The following SGCZ variants were observed in gnomAD, a reference collection of about 807,000 sequenced individuals.
SGCZ encodes the protein zeta-sarcoglycan.
In SGCZ, 40 loss-of-function variants were observed where a neutral mutation model predicts 41.3. The ratio of observed to expected loss-of-function variants is 0.97; its 90% CI spans 0.75 to 1.26. The LOEUF is 1.26. Ranked by LOEUF, SGCZ falls within the 50% of genes most tolerant of loss-of-function variation. SGCZ has a pLI of 0.00. For synonymous variants in SGCZ, 206 were observed against 137.5 expected (o/e 1.50, Z -3.49); for missense variants, 552 against 369.8 (o/e 1.49, Z -4.04).
chr8:15,001,383 A>T (rs1038118981), intron 1 of SGCZ, among the ~76,000 whole-genome samples: 7 of 152,126 alleles, frequency 4.6e-5, no homozygotes, highest in African/African-American at 1.7e-4. Flanking sequence ...GTTTACTGGG[A>T]TATTTGTCAC....
intron 2 of SGCZ, among the ~76,000 whole-genome samples, chr8:14,397,292 T>A (rs954060036): frequency 2.6e-5 from 4 of 152,158 alleles, no homozygotes; most frequent in African/African-American, 9.7e-5. Context: ...ATAGTATTTC[T>A]GATGTAAAAA....
intron 1 of SGCZ, among the ~76,000 whole-genome samples, chr8:15,032,977 C>T (rs1803735680): frequency 3.3e-5 from 5 of 151,904 alleles, no homozygotes; most frequent in African/African-American, 1.2e-4. Context: ...CATGCCCCAA[C>T]TCTAAATCAG....
At chr8:14,341,568 A>AT (rs1563267819) in intron 2 of SGCZ, among the ~76,000 whole-genome samples, 5 of 151,906 alleles carry the variant, frequency 3.3e-5, no homozygotes, top group South Asian at 2.1e-4. Context: ...GCCCTTGTTC[A>AT]TTTTTTTCTC....
intron 1 of SGCZ, among the ~76,000 whole-genome samples, chr8:15,210,764 T>C (rs1158036773): frequency 1.3e-5 from 2 of 152,084 alleles, no homozygotes; most frequent in Non-Finnish European, 2.9e-5. Flanking sequence ...CTGCACCTCC[T>C]CTAGCTCTTA....
intron 5 of SGCZ, among the ~76,000 whole-genome samples, chr8:14,111,351 G>C (rs547228716): frequency 6.5e-4 from 99 of 152,122 alleles, no homozygotes; most frequent in African/African-American, 2.3e-3. Flanking sequence ...ACATTTGTTT[G>C]GTACATAAGG....
chr8:14,727,613 C>A (rs1448021746), intron 1 of SGCZ, among the ~76,000 whole-genome samples: 1 of 151,608 alleles, frequency 6.6e-6, no homozygotes, highest in Non-Finnish European at 1.5e-5. Context: ...CGGATTCACG[C>A]CATTCTCCTG....
At chr8:14,952,492 GAGGCATCATTGAGTTA>G (rs1010802088) in intron 1 of SGCZ, among the ~76,000 whole-genome samples, 2 of 152,136 alleles carry the variant, frequency 1.3e-5, no homozygotes, top group Non-Finnish European at 2.9e-5. Flanking sequence ...CATCACTAGG[GAGGCATCATTGAGTTA>G]ACCTTTGTTC....
chr8:14,903,097 T>C (rs551905692), intron 1 of SGCZ, among the ~76,000 whole-genome samples: 1 of 151,708 alleles, frequency 6.6e-6, no homozygotes, highest in East Asian at 1.9e-4. Flanking sequence ...AGGCAGAGGG[T>C]TCTGGTTTCC....
chr8:14,912,043 T>C (rs1799294420), intron 1 of SGCZ, among the ~76,000 whole-genome samples: 1 of 151,548 alleles, frequency 6.6e-6, no homozygotes, highest in African/African-American at 2.4e-5. Flanking sequence ...ACTGACGCTA[T>C]GTAAGCTATT....
chr8:14,650,236 A>T (rs1807353510), intron 1 of SGCZ, among the ~76,000 whole-genome samples: 1 of 152,072 alleles, frequency 6.6e-6, no homozygotes, highest in Admixed American at 6.6e-5. Flanking sequence ...GATCAGGAGT[A>T]GGAGAAAGGA....
At chr8:14,140,453 A>C (rs1286526279) in intron 5 of SGCZ, among the ~76,000 whole-genome samples, 11 of 152,308 alleles carry the variant, frequency 7.2e-5, no homozygotes, top group Non-Finnish European at 1.3e-4. Context: ...CCTTAAGCTG[A>C]TAAGCAACTT....
chr8:14,511,646 A>G (rs1802471572), intron 2 of SGCZ, among the ~76,000 whole-genome samples: 2 of 152,152 alleles, frequency 1.3e-5, no homozygotes, highest in Admixed American at 1.3e-4. Context: ...TTCTACACTA[A>G]TTATATTTTA....
intron 1 of SGCZ, among the ~76,000 whole-genome samples, chr8:14,682,787 AAC>A (rs1225885403): frequency 6.6e-6 from 1 of 152,280 alleles, no homozygotes; most frequent in South Asian, 2.1e-4. Flanking sequence ...CTTTACCTTA[AAC>A]ACTCAGTTTT....
chr8:14,377,778 T>C (rs1804188434), intron 2 of SGCZ, among the ~76,000 whole-genome samples: 1 of 150,064 alleles, frequency 6.7e-6, no homozygotes, highest in Non-Finnish European at 1.5e-5. Flanking sequence ...GAATATGCGG[T>C]GTTTGGTTTT....
chr8:14,793,726 C>T (rs1563273379), intron 1 of SGCZ, among the ~76,000 whole-genome samples: 1 of 152,050 alleles, frequency 6.6e-6, no homozygotes, highest in African/African-American at 2.4e-5. Flanking sequence ...TATGAGACAC[C>T]TGCACCCACC....
chr8:14,711,956 A>C (rs971201107), intron 1 of SGCZ, among the ~76,000 whole-genome samples: 1 of 152,060 alleles, frequency 6.6e-6, no homozygotes, highest in Non-Finnish European at 1.5e-5. Context: ...AAATCTTCAC[A>C]CCCTACAAAA....
intron 2 of SGCZ, among the ~76,000 whole-genome samples, chr8:14,482,234 T>C (rs1215409731): frequency 6.6e-6 from 1 of 152,174 alleles, no homozygotes; most frequent in Non-Finnish European, 1.5e-5. Context: ...TTGAGCTGTG[T>C]TCATATCTGC....
chr8:14,317,304 G>A (rs2117014781), intron 3 of SGCZ, among the ~76,000 whole-genome samples: 2 of 152,114 alleles, frequency 1.3e-5, no homozygotes, highest in South Asian at 4.2e-4. Context: ...GTGCTACTAT[G>A]AACTTCATCT....
intron 1 of SGCZ, among the ~76,000 whole-genome samples, chr8:14,769,250 T>A (rs528038696): frequency 3.0e-4 from 46 of 152,068 alleles, no homozygotes; most frequent in Non-Finnish European, 5.6e-4. Flanking sequence ...TAATAATGAA[T>A]GTTCCTGTGT....
Sources: allele counts gnomAD v4.1 joint callset (sites outside exome capture counted in the v4.1 genomes callset), GRCh38; gene constraint gnomAD v4.1.1; transcripts MANE v1.5; gene names NCBI Gene and HGNC (gene_info 2026-07-23, HGNC 2026-07-21).